KIF2A: variants seen among roughly 807,000 people sequenced by gnomAD.
The protein encoded by KIF2A is kinesin-like protein KIF2A.
KIF2A carries 22 observed loss-of-function variants against 100.2 expected under a neutral mutation model. The ratio of observed to expected loss-of-function variants is 0.22; its 90% CI spans 0.16 to 0.31. The LOEUF is 0.31. Ranked by LOEUF, KIF2A falls within the 10% of genes least tolerant of loss-of-function variation. The pLI is 1.00. For missense variants in KIF2A, 495 were observed against 898.7 expected (o/e 0.55, Z 5.74); for synonymous variants, 268 against 285.9 (o/e 0.94, Z 0.63).
At chr5:62,377,027 T>G (rs539531223) in intron 18 of KIF2A, among the ~76,000 whole-genome samples, 5 of 152,320 alleles carry the variant, frequency 3.3e-5, no homozygotes, top group African/African-American at 1.2e-4. Context: ...AAACCAGATA[T>G]AAGTGGACAA....
At chr5:62,333,651 C>A (rs1310802878) in intron 1 of KIF2A, among the ~76,000 whole-genome samples, 4 of 152,198 alleles carry the variant, frequency 2.6e-5, no homozygotes, top group African/African-American at 9.7e-5. Context: ...TGGTGGTTCT[C>A]TGCCAACACC....
Position 62,372,623 on chromosome 5 carries a change from C to T in KIF2A, c.1760+72C>T, listed in dbSNP as rs1233412388. The T allele has an allele frequency of 6.8e-6, 6 of 881,954 alleles. No homozygotes were observed. The South Asian group carries it at 8.4e-5, about 12-fold the overall frequency. The allele number at this position is 881,954 out of a possible 1,614,324, so 54.6% of individuals were successfully genotyped here. Reference sequence around the variant, plus strand: ...TGAATTGTGCTTTGTATAAACATTTCATTTGCTATTTTTGTCCTGAGCCAT... The same window carrying T: ...TGAATTGTGCTTTGTATAAACATTTTATTTGCTATTTTTGTCCTGAGCCAT... On this transcript the variant is annotated intron_variant, in intron 17 of 20. Transcript: ENST00000407818.
intron 1 of KIF2A, among the ~76,000 whole-genome samples, chr5:62,339,383 G>A (rs1009323569): frequency 6.6e-6 from 1 of 151,512 alleles, no homozygotes; most frequent in African/African-American, 2.4e-5. Flanking sequence ...CACCTCCACT[G>A]GGCCCCACCT....
At chr5:62,364,787 C>T (rs1011731828) in intron 14 of KIF2A, among the ~76,000 whole-genome samples, 25 of 151,724 alleles carry the variant, frequency 1.6e-4, no homozygotes, top group African/African-American at 6.0e-4. Context: ...TTTATGGGAA[C>T]ATCTACACTA....
chr5:62,366,615 A>G (rs1451092691), intron 16 of KIF2A, 134 bp downstream of exon 16: 1 of 551,218 alleles, frequency 1.8e-6, no homozygotes, highest in Non-Finnish European at 3.3e-6. Flanking sequence ...GCGGATCACA[A>G]GGTCAGGAGA....
At chr5:62,321,856 G>A (rs1746107154) in intron 1 of KIF2A, among the ~76,000 whole-genome samples, 1 of 152,072 alleles carries the variant, frequency 6.6e-6, no homozygotes, top group East Asian at 1.9e-4. Context: ...ACCATGCCCA[G>A]CCATTTGTAT....
At position 62,347,425 on chromosome 5, in the gene KIF2A, T is replaced by C. The variant is rs556240612; in HGVS notation, c.159+201T>C. Among the ~76,000 whole-genome samples the C allele has an allele frequency of 8.5e-5, 13 of 152,316 alleles. No homozygotes were observed. The South Asian group carries it at 2.5e-3, about 29-fold the overall frequency. On this transcript the variant is annotated intron_variant, in intron 2 of 20. Coordinates refer to ENST00000407818, the MANE Select transcript of KIF2A (RefSeq NM_001098511.3). ...ATGTGATTGCACATATCAGTCTTAA[T>C]TATTTGATAAAATATACTATTCTTT...
At chr5:62,376,513 G>A (rs543165751) in intron 18 of KIF2A, among the ~76,000 whole-genome samples, 25 of 151,776 alleles carry the variant, frequency 1.6e-4, no homozygotes, top group East Asian at 5.9e-4. Flanking sequence ...TCCGCCTCCC[G>A]GGTTAAAGTG....
intron 18 of KIF2A, among the ~76,000 whole-genome samples, chr5:62,374,057 T>G (rs955456445): frequency 3.3e-5 from 5 of 151,974 alleles, no homozygotes; most frequent in African/African-American, 1.2e-4. Context: ...ACAAAAAATT[T>G]AAAAATCATC....
intron 1 of KIF2A, among the ~76,000 whole-genome samples, chr5:62,321,720 C>T (rs1030101619): frequency 4.0e-5 from 6 of 151,820 alleles, no homozygotes; most frequent in African/African-American, 1.2e-4. Context: ...ACACCACATC[C>T]GGTCGATTTT....
intron 1 of KIF2A, among the ~76,000 whole-genome samples, chr5:62,315,535 A>C (rs1394547800): frequency 2.0e-5 from 3 of 152,222 alleles, no homozygotes; most frequent in Admixed American, 2.0e-4. Context: ...CCCTGAGGGC[A>C]AGGAGGCATT....
rs148411444 is a variant in KIF2A, at chr5:62,366,396, A to AT, written c.1579-8dup. 18,643 of 1,355,842 alleles carry AT rather than the reference A, an allele frequency of 0.014. 35 individuals carry two copies. Among genetic ancestry groups the AT allele is most frequent in the Non-Finnish European group, 0.017 (16,450 of 990,886 alleles). The allele number at this position is 1,355,842 out of a possible 1,614,324, so 84.0% of individuals were successfully genotyped here. ...TTTATAACATTTTGTTTACCTTTGC[A>AT]TTTTTTTTTTCCTGTAGATTGCCAC... On this transcript the variant is annotated splice_polypyrimidine_tract_variant and intron_variant, in intron 15 of 20. Transcript: ENST00000407818.
Position 62,388,087 on chromosome 5 carries a change from G to C in KIF2A, c.*2518G>C, listed in dbSNP as rs1742124094. 6.6e-6 allele frequency: 1 copy of C among 152,000 alleles called. No homozygotes were observed. Among genetic ancestry groups the C allele is most frequent in the Non-Finnish European group, 1.5e-5 (1 of 67,998 alleles). 9.4% of individuals were successfully genotyped at this position (152,000 alleles called of 1,614,324 possible). ...ATAAAACTAGTTTATGACATCTATT[G>C]AAATTCTCAGTCTGACAGTTTTAAA... On this transcript the variant is annotated 3_prime_UTR_variant, in exon 21 of 21. Transcript: ENST00000407818.
In KIF2A at chr5:62,366,501, A is replaced by T; in HGVS notation, c.1646+20A>T. 6.9e-7 allele frequency: 1 copy of T among 1,442,730 alleles called. No homozygotes were observed. Among genetic ancestry groups the T allele is most frequent in the South Asian group, 1.2e-5 (1 of 83,060 alleles). 89.4% of individuals were successfully genotyped at this position (1,442,730 alleles called of 1,614,324 possible). On this transcript the variant is annotated intron_variant, in intron 16 of 20. Transcript: ENST00000407818. Reference sequence around the variant, plus strand: ...AAATAGGTATGAGAGATAGTTCTCCATTTTGAAATTTGAGGGGAGTACAGC... The same window carrying T: ...AAATAGGTATGAGAGATAGTTCTCCTTTTTGAAATTTGAGGGGAGTACAGC...
rs149273929 is a variant in KIF2A, at chr5:62,331,546, G to A, written c.65-15584G>A. ...GCAGAGGTTGTGGTGAGTTGAGATC[G>A]TCCACTGTACTCCAGCCTGGGTGAC... is the stretch of plus-strand genomic sequence containing the variant. On this transcript the variant is annotated intron_variant, in intron 1 of 20. Coordinates refer to ENST00000407818, the MANE Select transcript of KIF2A (RefSeq NM_001098511.3). Among the ~76,000 whole-genome samples the A allele has an allele frequency of 4.2e-4, 64 of 152,164 alleles. 1 individual carries two copies. In the East Asian group the frequency reaches 0.011, roughly 26 times the overall value.
intron 1 of KIF2A, among the ~76,000 whole-genome samples, chr5:62,323,011 C>A (rs1277202557): frequency 1.3e-5 from 2 of 148,334 alleles, no homozygotes. Context: ...AATCCCAGCA[C>A]TTTGGGAGGC....
chr5:62,388,747 G>T lies in KIF2A; in HGVS notation c.*3178G>T. On this transcript the variant is annotated 3_prime_UTR_variant, in exon 21 of 21. Coordinates refer to ENST00000407818, the MANE Select transcript of KIF2A (RefSeq NM_001098511.3). The stretch of plus-strand genomic sequence containing the variant: ...CAATAAACTGTTAGAAATGATAAGT[G>T]TAAAGTTGTGCGTCTCTGCGGCTCC... The T allele has an allele frequency of 2.1e-6, 1 of 479,674 alleles. No homozygotes were observed. Among genetic ancestry groups the T allele is most frequent in the East Asian group, 3.8e-5 (1 of 26,038 alleles). 29.7% of individuals were successfully genotyped at this position (479,674 alleles called of 1,614,324 possible).
At chr5:62,382,816 G>A (rs1413382021) in intron 20 of KIF2A, among the ~76,000 whole-genome samples, 2 of 151,598 alleles carry the variant, frequency 1.3e-5, no homozygotes, top group African/African-American at 2.4e-5. Flanking sequence ...GTATCTAGAC[G>A]GGGTTTCACC....
chr5:62,352,533 T>G (rs992114885), intron 4 of KIF2A, 55 bp from the exon 5 acceptor site: 5 of 1,399,186 alleles, frequency 3.6e-6, no homozygotes, highest in Non-Finnish European at 3.8e-6. Context: ...TTTACTAAGG[T>G]TAGCTTTTAC....
Sources: allele counts gnomAD v4.1 joint callset (sites outside exome capture counted in the v4.1 genomes callset), GRCh38; gene constraint gnomAD v4.1.1; transcripts MANE v1.5; gene names NCBI Gene and HGNC (gene_info 2026-07-23, HGNC 2026-07-21).